TIPIN: variants seen among roughly 807,000 people sequenced by gnomAD.
The protein encoded by TIPIN is TIMELESS-interacting protein.
In TIPIN, 29 loss-of-function variants were observed where a neutral mutation model predicts 35.6. The ratio of observed to expected loss-of-function variants is 0.82; its 90% CI spans 0.61 to 1.11. The LOEUF is 1.11. TIPIN is among the 50% of genes most tolerant of loss of function. The probability of loss-of-function intolerance (pLI) is 0.00; values close to 1 mark genes in which losing one functional copy is unlikely to be tolerated. For synonymous variants in TIPIN, 102 were observed against 121.5 expected, an observed-to-expected ratio of 0.84 and a Z score of 1.06; for missense variants, 296 against 345.4, an observed-to-expected ratio of 0.86 and a Z score of 1.13.
At chr15:66,385,278 G>C (rs1038127566) in intron 1 of TIPIN, among the ~76,000 whole-genome samples, 1 of 152,122 alleles carries the variant, frequency 6.6e-6, no homozygotes, top group African/African-American at 2.4e-5. Context: ...ACCAACACCT[G>C]GCTGTGGATA....
intron 1 of TIPIN, among the ~76,000 whole-genome samples, chr15:66,355,568 T>A (rs970215186): frequency 4.3e-4 from 65 of 151,142 alleles, no homozygotes; most frequent in African/African-American, 1.5e-3. Context: ...GCCAACACAG[T>A]GAAACCCCAT....
At chr15:66,362,758 A>G (rs2093237112) in intron 1 of TIPIN, among the ~76,000 whole-genome samples, 1 of 152,184 alleles carries the variant, frequency 6.6e-6, no homozygotes. Context: ...AAGAAAAGAA[A>G]TGGAGTCTCT....
intron 1 of TIPIN, among the ~76,000 whole-genome samples, chr15:66,381,298 C>T (rs562935497): frequency 1.4e-4 from 21 of 152,046 alleles, no homozygotes; most frequent in African/African-American, 3.4e-4. Context: ...ATTAGCCGAG[C>T]GTGGTGGCGG....
intron 7 of TIPIN, 129 bp downstream of exon 7, chr15:66,341,021 A>T: frequency 6.6e-6 from 5 of 762,032 alleles, no homozygotes; most frequent in South Asian, 5.3e-5. Flanking sequence ...TCTAAAATAT[A>T]CATAAACTTA....
chr15:66,339,116 A>G (rs1186483707), intron 7 of TIPIN, among the ~76,000 whole-genome samples: 1 of 130,234 alleles, frequency 7.7e-6, no homozygotes, highest in East Asian at 2.5e-4. Context: ...TGAGCTACAG[A>G]GCAAGACTCC....
chr15:66,337,242 G>A (rs1464844158), intron 7 of TIPIN, 61 bp from the exon 8 acceptor site: 1 of 1,333,754 alleles, frequency 7.5e-7, no homozygotes, highest in Non-Finnish European at 1.0e-6. Context: ...TACCGCATGA[G>A]TACAAACCTC....
chr15:66,378,426 C>T (rs1052896366), intron 1 of TIPIN, among the ~76,000 whole-genome samples: 1 of 152,118 alleles, frequency 6.6e-6, no homozygotes, highest in Non-Finnish European at 1.5e-5. Flanking sequence ...TGAGCCACCG[C>T]GCCCAGCCGA....
intron 1 of TIPIN, among the ~76,000 whole-genome samples, chr15:66,376,675 C>T (rs971807596): frequency 6.6e-6 from 1 of 151,878 alleles, no homozygotes; most frequent in South Asian, 2.1e-4. Context: ...GTGACCCCCC[C>T]ACTCTGGCCT....
intron 1 of TIPIN, among the ~76,000 whole-genome samples, chr15:66,372,712 C>G (rs950340266): frequency 6.6e-6 from 1 of 151,920 alleles, no homozygotes; most frequent in Non-Finnish European, 1.5e-5. Flanking sequence ...GAGACCAGCC[C>G]GGCCAACATG....
At chr15:66,364,158 CTTT>C (rs747825457) in intron 1 of TIPIN, among the ~76,000 whole-genome samples, 4 of 73,782 alleles carry the variant, frequency 5.4e-5, no homozygotes, top group South Asian at 9.9e-4. Context: ...TCTTTCTTTT[CTTT>C]TTTTTTTTTT....
chr15:66,385,607 GC>G (rs1164105775), intron 1 of TIPIN, among the ~76,000 whole-genome samples: 3 of 151,426 alleles, frequency 2.0e-5, no homozygotes, highest in East Asian at 3.9e-4. Context: ...CTCTGCCTCA[GC>G]CCCCCAAGTA....
rs2093172061 is a variant in TIPIN, at chr15:66,352,110, AAG to A, written c.212+17_212+18del. 7.8e-6 allele frequency: 12 copies of A among 1,546,206 alleles called. No individual in the cohort carries two copies. Among genetic ancestry groups the A allele is most frequent in the Non-Finnish European group, 1.1e-5 (12 of 1,133,588 alleles). Reference sequence around the variant, plus strand: ...TTAAAAATAAAAAGTATAAATGTATAAGAATATAGTAAATGTACCTCTGAGCA... The same window carrying A: ...TTAAAAATAAAAAGTATAAATGTATAAATATAGTAAATGTACCTCTGAGCA... On this transcript the variant is annotated intron_variant, in intron 3 of 7. Transcript: ENST00000261881.
chr15:66,343,827 C>T (rs890909060), intron 6 of TIPIN, among the ~76,000 whole-genome samples: 1 of 152,058 alleles, frequency 6.6e-6, no homozygotes, highest in African/African-American at 2.4e-5. Context: ...GGTGAAACCC[C>T]GTCTCTACTA....
intron 1 of TIPIN, chr15:66,382,241 G>T: frequency 4.0e-6 from 2 of 494,476 alleles, no homozygotes; most frequent in Non-Finnish European, 5.2e-6. Context: ...ATTAACTGAT[G>T]CTCAGAGAGG....
chr15:66,369,011 A>T (rs2093268117), intron 1 of TIPIN, among the ~76,000 whole-genome samples: 1 of 152,170 alleles, frequency 6.6e-6, no homozygotes, highest in Non-Finnish European at 1.5e-5. Flanking sequence ...GGGCTGCCTG[A>T]ACACCAGGAC....
At chr15:66,346,072 G>A (rs545384987) in intron 6 of TIPIN, among the ~76,000 whole-genome samples, 90 of 151,562 alleles carry the variant, frequency 5.9e-4, no homozygotes, top group African/African-American at 2.1e-3. Flanking sequence ...TTAGCCTCCC[G>A]AGTAACTAGG....
chr15:66,338,968 T>C, intron 7 of TIPIN, among the ~76,000 whole-genome samples: 1 of 150,054 alleles, frequency 6.7e-6, no homozygotes, highest in Non-Finnish European at 1.5e-5. Context: ...CCTTCTCTAC[T>C]AAAAATACAA....
At chr15:66,383,109 A>T in intron 1 of TIPIN, 3 of 484,366 alleles carry the variant, frequency 6.2e-6, no homozygotes, top group Middle Eastern at 1.0e-3. Flanking sequence ...TTCAATATTA[A>T]AAAGAATGCT....
intron 1 of TIPIN, among the ~76,000 whole-genome samples, chr15:66,368,691 CTTGAAA>C: frequency 6.6e-6 from 1 of 152,094 alleles, no homozygotes; most frequent in South Asian, 2.1e-4. Flanking sequence ...CTTGCTATAA[CTTGAAA>C]TTGAAGGTGA....
Sources: allele counts gnomAD v4.1 joint callset (sites outside exome capture counted in the v4.1 genomes callset), GRCh38; gene constraint gnomAD v4.1.1; transcripts MANE v1.5; gene names NCBI Gene and HGNC (gene_info 2026-07-23, HGNC 2026-07-21).